Variants in CA2 observed in about 807,000 individuals in gnomAD.
CA2 encodes carbonate dehydratase II.
In CA2, 23 loss-of-function variants were observed where a neutral mutation model predicts 27.8. The ratio of observed to expected loss-of-function variants is 0.83; its 90% CI spans 0.59 to 1.17. The LOEUF (loss-of-function observed/expected upper bound fraction) is 1.17, where lower values mean the gene tolerates loss of function less well. CA2 is among the 50% of genes most tolerant of loss of function. The probability of loss-of-function intolerance (pLI) is 0.00; values close to 1 mark genes in which losing one functional copy is unlikely to be tolerated. For missense variants in CA2, 300 were observed against 314.7 expected, an observed-to-expected ratio of 0.95 and a Z score of 0.35; for synonymous variants, 99 against 114.9, an observed-to-expected ratio of 0.86 and a Z score of 0.88.
intron 3 of CA2, 150 bp downstream of exon 3, chr8:85,473,961 T>C: frequency 1.5e-6 from 1 of 668,190 alleles, no homozygotes. Flanking sequence ...TTTATAACCT[T>C]TAATTGTGAC....
At chr8:85,473,869 C>T in intron 3 of CA2, 58 bp downstream of exon 3, 1 of 965,294 alleles carries the variant, frequency 1.0e-6, no homozygotes, top group Non-Finnish European at 1.7e-6. Context: ...TGATATTTAG[C>T]ATTAATTTCA....
chr8:85,474,053 T>A (rs1012555921), intron 3 of CA2: 3 of 605,910 alleles, frequency 5.0e-6, no homozygotes, highest in East Asian at 2.8e-5. Flanking sequence ...AACTGGAGGA[T>A]CCTGTTTTAA....
In CA2 at chr8:85,473,609, G is replaced by A. The variant is rs1586014918; in HGVS notation, c.233-84G>A. 4.1e-6 allele frequency: 3 copies of A among 729,818 alleles called. No individual in the cohort carries two copies. The South Asian group carries it at 4.4e-5, about 11-fold the overall frequency. The allele number at this position is 729,818 out of a possible 1,614,324, so 45.2% of individuals were successfully genotyped here. A position where few individuals can be genotyped will look rare whatever the true frequency, so the allele number is the denominator to read the frequency against. ...ATTTAGGCATGTGTTTCATGTGTGT[G>A]TATGTATGTGTGTATACCTATGTAT... On this transcript the variant is annotated intron_variant, in intron 2 of 6. Coordinates refer to ENST00000285379, the MANE Select transcript of CA2 (RefSeq NM_000067.3).
chr8:85,474,716 G>A, intron 4 of CA2: 1 of 408,166 alleles, frequency 2.4e-6, no homozygotes, highest in Non-Finnish European at 4.6e-6. Flanking sequence ...CCTGAGGCTA[G>A]ACAGTACTAT....
In CA2 at chr8:85,477,169, A is replaced by C; in HGVS notation, c.557A>C (p.Glu186Ala). The part of the protein sequence containing the change: ...TNFDPRGLLP[E>A]SLDYWTYPGS... ...TTCGATCCTCGTGGCCTCCTTCCTGAATCCTTGGATTACTGGACCTACCCA... is the reference window on the plus strand; with the variant it reads ...TTCGATCCTCGTGGCCTCCTTCCTGCATCCTTGGATTACTGGACCTACCCA... Residue 186 changes from glutamate to alanine, a missense_variant, in exon 6 of 7, where the codon GAA becomes GCA. Transcript: ENST00000285379. 1 of 1,613,988 alleles carries C rather than the reference A, an allele frequency of 6.2e-7. No individual in the cohort carries two copies. Among genetic ancestry groups the C allele is most frequent in the Non-Finnish European group, 8.5e-7 (1 of 1,179,960 alleles).
At chr8:85,479,964 A>G (rs903742873) in intron 6 of CA2, among the ~76,000 whole-genome samples, 5 of 152,186 alleles carry the variant, frequency 3.3e-5, no homozygotes, top group African/African-American at 9.7e-5. Flanking sequence ...TGGATGTGGT[A>G]GTTTGTCTTC....
At chr8:85,472,008 T>C (rs1025803852) in intron 2 of CA2, among the ~76,000 whole-genome samples, 15 of 152,188 alleles carry the variant, frequency 9.9e-5, no homozygotes, top group African/African-American at 3.6e-4. Context: ...TCCTTTTTTC[T>C]CCTGGCCTAT....
intron 1 of CA2, chr8:85,464,782 C>T (rs1378027797): frequency 6.3e-6 from 1 of 159,724 alleles, no homozygotes; most frequent in Non-Finnish European, 1.4e-5. Flanking sequence ...TCTGGCGCAC[C>T]TAGCGCATCT....
intron 2 of CA2, chr8:85,473,363 A>G (rs771778863): frequency 2.1e-6 from 1 of 470,952 alleles, no homozygotes; most frequent in Non-Finnish European, 4.2e-6. Context: ...TCTGGACCTG[A>G]ATCTATGACT....
intron 2 of CA2, among the ~76,000 whole-genome samples, chr8:85,472,336 A>G (rs1811723870): frequency 6.6e-6 from 1 of 152,228 alleles, no homozygotes; most frequent in Non-Finnish European, 1.5e-5. Flanking sequence ...TACTTTTAAA[A>G]GCTTTTGAAT....
rs1402002159 is a variant in CA2 at position 85,474,522 on chromosome 8, C to T, written c.444+106C>T. 5.6e-6 allele frequency: 5 copies of T among 889,844 alleles called. No individual in the cohort carries two copies. The Admixed American group carries it at 7.1e-5, about 13-fold the overall frequency. The allele number at this position is 889,844 out of a possible 1,614,324, so 55.1% of individuals were successfully genotyped here. A position where few individuals can be genotyped will look rare whatever the true frequency, so the allele number is the denominator to read the frequency against. ...TTCTACAAAAGAGCTTAGGAAATGC[C>T]TTTGTCCCTGAAATGTTTTCAAGTT... On this transcript the variant is annotated intron_variant, in intron 4 of 6. Coordinates refer to ENST00000285379, the MANE Select transcript of CA2 (RefSeq NM_000067.3).
rs373861209 is a variant in CA2 at position 85,475,420 on chromosome 8, T to A, written c.445-378T>A. 1.9e-4 allele frequency among the ~76,000 whole-genome samples: 26 copies of A among 140,404 alleles called. No individual in the cohort carries two copies. In the South Asian group the frequency reaches 3.7e-3, roughly 20 times the overall value. The allele number at this position is 140,404 out of a possible 152,430, so 92.1% of individuals were successfully genotyped here. On this transcript the variant is annotated intron_variant, in intron 4 of 6. Coordinates refer to ENST00000285379, the MANE Select transcript of CA2 (RefSeq NM_000067.3). ...AAGCGAGAGTCAAGAGAGATTTGGGTTGCTGGAAGGCGTAGGGAAAGCCAA... is the reference window on the plus strand; with the variant it reads ...AAGCGAGAGTCAAGAGAGATTTGGGATGCTGGAAGGCGTAGGGAAAGCCAA...
chr8:85,473,068 C>T (rs1022060973), intron 2 of CA2, among the ~76,000 whole-genome samples: 3 of 150,916 alleles, frequency 2.0e-5, no homozygotes, highest in African/African-American at 4.9e-5. Flanking sequence ...CAAAGCTAGC[C>T]AGCAGCAGTG....
chr8:85,469,819 A>G (rs963742153), intron 2 of CA2, among the ~76,000 whole-genome samples: 11 of 152,142 alleles, frequency 7.2e-5, no homozygotes, highest in African/African-American at 2.7e-4. Flanking sequence ...TTATTTCAAG[A>G]AAAGAGTAAA....
Position 85,473,013 on chromosome 8 carries a change from TAAATA to T in CA2, c.233-677_233-673del, listed in dbSNP as rs941573004. On this transcript the variant is annotated intron_variant, in intron 2 of 6. Coordinates refer to ENST00000285379, the MANE Select transcript of CA2 (RefSeq NM_000067.3). The stretch of plus-strand genomic sequence containing the variant: ...TGTTTCAAAATAATAATAATAATAA[TAAATA>T]AATAAATAAATAAATAAATAATAAA... Among the ~76,000 whole-genome samples the T allele has an allele frequency of 1.4e-3, 19 of 13,142 alleles. No individual in the cohort carries two copies. The South Asian group carries it at 0.017, about 12-fold the overall frequency. The allele number at this position is 13,142 out of a possible 152,430, so 8.6% of individuals were successfully genotyped here.
In CA2 at chr8:85,464,167, T is replaced by TCCCCGAG. The variant is rs758013997; in HGVS notation, c.34+58_34+59insGCCCCGA. On this transcript the variant is annotated intron_variant, in intron 1 of 6. Coordinates refer to ENST00000285379, the MANE Select transcript of CA2 (RefSeq NM_000067.3). ...GGGCGCCCCGATCCCCGATCCCCGA[T>TCCCCGAG]CCCCGATCCCCGAGCCCGGATGCCG... The TCCCCGAG allele has an allele frequency of 2.0e-4, 300 of 1,475,406 alleles. 3 individuals are homozygous for TCCCCGAG. In the South Asian group the frequency reaches 3.1e-3, roughly 15 times the overall value. The allele number at this position is 1,475,406 out of a possible 1,614,324, so 91.4% of individuals were successfully genotyped here.
At chr8:85,469,334 G>A (rs1811680776) in intron 2 of CA2, among the ~76,000 whole-genome samples, 1 of 152,234 alleles carries the variant, frequency 6.6e-6, no homozygotes, top group East Asian at 1.9e-4. Context: ...TGCTTTAAAT[G>A]TTCTCTTATA....
chr8:85,467,485 G>T (rs1226974793), intron 2 of CA2, among the ~76,000 whole-genome samples: 2 of 152,212 alleles, frequency 1.3e-5, no homozygotes, highest in Non-Finnish European at 2.9e-5. Context: ...CTCTGTTGTT[G>T]TCACAACTTG....
Position 85,481,326 on chromosome 8 carries a change from T to A in CA2, c.*537T>A, listed in dbSNP as rs1811888001. On this transcript the variant is annotated 3_prime_UTR_variant, in exon 7 of 7. Coordinates refer to ENST00000285379, the MANE Select transcript of CA2 (RefSeq NM_000067.3). ...GCAAAGTTATCTTAAATATGAATTC[T>A]GTTGTAATTTAATGACTTTTGAATT... 1 of 154,166 alleles carries A rather than the reference T, an allele frequency of 6.5e-6. No homozygotes were observed. The highest frequency in any genetic ancestry group is 1.4e-5 in the Non-Finnish European group (1 of 69,060). The allele number at this position is 154,166 out of a possible 1,614,324, so 9.5% of individuals were successfully genotyped here.
Sources: gnomAD v4.1 joint callset for allele counts (sites outside exome capture counted in the v4.1 genomes callset) on GRCh38, gnomAD v4.1.1 for gene constraint, MANE v1.5 for transcripts, NCBI Gene and HGNC (gene_info 2026-07-23, HGNC 2026-07-21) for gene names.